The following RBFOX1 variants were observed in gnomAD, a reference collection of about 807,000 sequenced individuals.
The protein encoded by RBFOX1 is RNA binding protein fox-1 homolog 1.
In RBFOX1, 8 loss-of-function variants were observed where a neutral mutation model predicts 57.7. The ratio of observed to expected loss-of-function variants is 0.14; its 90% CI spans 0.08 to 0.25. The LOEUF (loss-of-function observed/expected upper bound fraction) is 0.25. Among genes scored for constraint, RBFOX1 ranks in the 10% least tolerant of loss-of-function variants. The pLI is 1.00. For synonymous variants in RBFOX1, 326 were observed against 222.4 expected, an observed-to-expected ratio of 1.47 and a Z score of -4.15; for missense variants, 611 against 548.5, an observed-to-expected ratio of 1.11 and a Z score of -1.14.
chr16:7,122,560 T>C (rs759736143), intron 4 of RBFOX1, among the ~76,000 whole-genome samples: 5 of 152,058 alleles, frequency 3.3e-5, no homozygotes, highest in African/African-American at 4.8e-5. Context: ...ATAAAAAAAA[T>C]TGACAAGACT....
At chr16:7,031,756 C>T (rs2042860012) in intron 3 of RBFOX1, among the ~76,000 whole-genome samples, 1 of 152,236 alleles carries the variant, frequency 6.6e-6, no homozygotes, top group Non-Finnish European at 1.5e-5. Flanking sequence ...CAAACAACAT[C>T]CCGTGTTTTA....
rs1052429476 is a variant in RBFOX1, at chr16:6,649,301, C to A, written c.-63-5302C>A. ...TCTTTATTAAGGCTGAAATGGTATT[C>A]TGTTGTGTATATATACCACATTTGC... On this transcript the variant is annotated intron_variant, in intron 2 of 15. Transcript: ENST00000550418. Among the ~76,000 whole-genome samples the A allele has an allele frequency of 2.6e-5, 4 of 152,300 alleles. No homozygotes were observed. The East Asian group carries it at 7.7e-4, about 29-fold the overall frequency.
At chr16:6,566,027 C>A (rs929919144) in intron 2 of RBFOX1, among the ~76,000 whole-genome samples, 1 of 152,242 alleles carries the variant, frequency 6.6e-6, no homozygotes. Context: ...GGTTACACCT[C>A]TTCTGCGATT....
At chr16:6,818,757 G>T (rs368663223) in intron 3 of RBFOX1, among the ~76,000 whole-genome samples, 1 of 152,290 alleles carries the variant, frequency 6.6e-6, no homozygotes, top group Admixed American at 6.5e-5. Flanking sequence ...AGCTTCACAA[G>T]GGGGAGTGTG....
At chr16:6,067,256 T>A (rs1353783022) in intron 1 of RBFOX1, among the ~76,000 whole-genome samples, 1 of 152,116 alleles carries the variant, frequency 6.6e-6, no homozygotes, top group Admixed American at 6.5e-5. Flanking sequence ...GTTAAGCTGG[T>A]TTTTAATCCT....
chr16:5,569,278 A>G (rs1174986731), intron 2 of RBFOX1, among the ~76,000 whole-genome samples: 5 of 151,624 alleles, frequency 3.3e-5, no homozygotes, highest in African/African-American at 7.3e-5. Flanking sequence ...AGGAGTCAGC[A>G]GAGGGGCTTT....
chr16:5,327,837 T>C (rs2064628083), intron 1 of RBFOX1, among the ~76,000 whole-genome samples: 1 of 152,218 alleles, frequency 6.6e-6, no homozygotes, highest in Admixed American at 6.5e-5. Flanking sequence ...GACTCATCCA[T>C]AGTTAAAACA....
intron 3 of RBFOX1, among the ~76,000 whole-genome samples, chr16:5,859,168 G>A (rs1448860998): frequency 5.3e-5 from 8 of 152,160 alleles, no homozygotes; most frequent in African/African-American, 1.4e-4. Context: ...TCACGCCACG[G>A]CACTCCAGCC....
intron 1 of RBFOX1, among the ~76,000 whole-genome samples, chr16:6,086,895 T>C (rs2096093595): frequency 6.6e-6 from 1 of 152,196 alleles, no homozygotes; most frequent in African/African-American, 2.4e-5. Flanking sequence ...CTTTCCTTGT[T>C]GAAGGCTTTC....
chr16:6,016,894 A>G (rs1009966327), upstream of RBFOX1, among the ~76,000 whole-genome samples: 7 of 152,204 alleles, frequency 4.6e-5, no homozygotes, highest in Non-Finnish European at 1.0e-4. Context: ...ATGGCATGCC[A>G]TATTGATCTT....
chr16:6,941,552 C>T (rs148042201), intron 3 of RBFOX1, among the ~76,000 whole-genome samples: 1 of 151,896 alleles, frequency 6.6e-6, no homozygotes, highest in Non-Finnish European at 1.5e-5. Context: ...TCACACCTGT[C>T]CACCAAGAGA....
At chr16:5,480,146 A>G (rs1419275971) in intron 2 of RBFOX1, among the ~76,000 whole-genome samples, 1 of 152,200 alleles carries the variant, frequency 6.6e-6, no homozygotes, top group Non-Finnish European at 1.5e-5. Flanking sequence ...GATTCACAGA[A>G]TGACTTGTGA....
chr16:6,166,330 A>G (rs1325998342), intron 1 of RBFOX1, among the ~76,000 whole-genome samples: 1 of 148,878 alleles, frequency 6.7e-6, no homozygotes, highest in African/African-American at 2.4e-5. Context: ...CACATCATTC[A>G]GCGAATAGGC....
In RBFOX1 at chr16:6,938,999, G is replaced by A; in HGVS notation, c.-15-113058G>A. Among the ~76,000 whole-genome samples the A allele has an allele frequency of 1.3e-5, 2 of 152,098 alleles. 1 individual carries two copies. The highest frequency in any genetic ancestry group is 2.9e-5 in the Non-Finnish European group (2 of 68,016). ...CCAGGAATGCACTGTAACTGTTCTT[G>A]TAGTCACTTTCCTTAGAGATCTGCC... is the stretch of plus-strand genomic sequence containing the variant. On this transcript the variant is annotated intron_variant, in intron 3 of 15. Transcript: ENST00000550418.
intron 4 of RBFOX1, among the ~76,000 whole-genome samples, chr16:7,163,820 C>G (rs928486480): frequency 1.3e-5 from 2 of 152,000 alleles, no homozygotes; most frequent in African/African-American, 4.8e-5. Flanking sequence ...CCACACCCAG[C>G]TAATTTTTGT....
chr16:5,880,263 G>A (rs2057729451), intron 4 of RBFOX1, among the ~76,000 whole-genome samples: 2 of 152,148 alleles, frequency 1.3e-5, no homozygotes, highest in African/African-American at 4.8e-5. Flanking sequence ...GGTACAGTCA[G>A]CATTCACCCC....
chr16:5,246,009 C>G (rs137894046), intron 1 of RBFOX1, among the ~76,000 whole-genome samples: 2 of 152,052 alleles, frequency 1.3e-5, no homozygotes, highest in South Asian at 4.2e-4. Context: ...TTTGGGAGGC[C>G]GAGGCCGTCG....
At chr16:5,801,722 C>T (rs1173059876) in intron 3 of RBFOX1, among the ~76,000 whole-genome samples, 2 of 151,962 alleles carry the variant, frequency 1.3e-5, no homozygotes, top group East Asian at 1.9e-4. Flanking sequence ...GATGAACCAT[C>T]TGGTGGGTTT....
At chr16:5,985,396 A>G (rs939339102) in intron 4 of RBFOX1, among the ~76,000 whole-genome samples, 1 of 152,090 alleles carries the variant, frequency 6.6e-6, no homozygotes. Flanking sequence ...CCTTCTCTCC[A>G]CAGTCCTGTA....
Sources: gnomAD v4.1 joint callset for allele counts (sites outside exome capture counted in the v4.1 genomes callset) on GRCh38, gnomAD v4.1.1 for gene constraint, MANE v1.5 for transcripts, NCBI Gene and HGNC (gene_info 2026-07-23, HGNC 2026-07-21) for gene names.